BTD: variants seen among roughly 807,000 people sequenced by gnomAD.
BTD encodes the protein biocytinase.
In BTD, 13 loss-of-function variants were observed where a neutral mutation model predicts 17.7. The ratio of observed to expected loss-of-function variants is 0.74; its 90% CI spans 0.48 to 1.17. BTD has a LOEUF of 1.17. BTD is among the 50% of genes most tolerant of loss of function. The probability of loss-of-function intolerance (pLI) is 0.00; values close to 1 mark genes in which losing one functional copy is unlikely to be tolerated. For missense variants in BTD, 674 were observed against 650.4 expected, an observed-to-expected ratio of 1.04 and a Z score of -0.39; for synonymous variants, 240 against 245.2, an observed-to-expected ratio of 0.98 and a Z score of 0.20.
downstream of BTD, among the ~76,000 whole-genome samples, chr3:15,657,722 A>G (rs2065884762): frequency 6.6e-6 from 1 of 151,868 alleles, no homozygotes; most frequent in South Asian, 2.1e-4. Flanking sequence ...GATTGTGCCT[A>G]TGGGTGAGTG....
chr3:15,618,534 T>C (rs2064856888), intron 1 of BTD, among the ~76,000 whole-genome samples: 1 of 152,170 alleles, frequency 6.6e-6, no homozygotes, highest in Admixed American at 6.5e-5. Flanking sequence ...AAAATTTTTT[T>C]CTTTTTTATT....
intron 1 of BTD, among the ~76,000 whole-genome samples, chr3:15,625,012 C>T (rs1401255566): frequency 6.6e-6 from 1 of 152,216 alleles, no homozygotes; most frequent in African/African-American, 2.4e-5. Flanking sequence ...CCATGAGCCA[C>T]CGCACCTGGC....
intron 3 of BTD, among the ~76,000 whole-genome samples, chr3:15,683,184 C>T (rs1040991076): frequency 2.6e-5 from 4 of 152,048 alleles, no homozygotes; most frequent in African/African-American, 9.7e-5. Flanking sequence ...GGTTAATCTT[C>T]AGGGATATAT....
At chr3:15,631,837 C>T (rs1026261244) in intron 1 of BTD, among the ~76,000 whole-genome samples, 3 of 152,316 alleles carry the variant, frequency 2.0e-5, no homozygotes, top group East Asian at 1.9e-4. Flanking sequence ...TTCAGAGGTG[C>T]ACCTTGGTAG....
At chr3:15,617,811 C>A (rs144360631) in intron 1 of BTD, among the ~76,000 whole-genome samples, 1 of 152,296 alleles carries the variant, frequency 6.6e-6, no homozygotes, top group East Asian at 1.9e-4. Flanking sequence ...TTTGTCTGTT[C>A]TTTGGCCAAT....
intron 3 of BTD, among the ~76,000 whole-genome samples, chr3:15,674,644 T>C (rs1182281745): frequency 1.3e-5 from 2 of 151,986 alleles, no homozygotes; most frequent in Non-Finnish European, 2.9e-5. Flanking sequence ...CCAAAGGAAC[T>C]GATGAGAGCA....
intron 1 of BTD, among the ~76,000 whole-genome samples, chr3:15,628,606 G>A (rs2065124144): frequency 6.6e-6 from 1 of 152,148 alleles, no homozygotes. Context: ...AGAATTTGAC[G>A]ATGGTTTTTG....
At chr3:15,654,520 T>C (rs1452482094), downstream of BTD, among the ~76,000 whole-genome samples, 3 of 152,230 alleles carry the variant, frequency 2.0e-5, no homozygotes, top group East Asian at 5.8e-4. Flanking sequence ...ATAATAGCAG[T>C]TTAAGGGACA....
In BTD at chr3:15,635,134, A is replaced by G. The variant is rs1233169250; in HGVS notation, c.-16-290A>G. ...CAGCTAGAAAAGTGGGTAGTGACGCACTACAGTCTTGCTGAACACTGGGTA... is the reference window on the plus strand; with the variant it reads ...CAGCTAGAAAAGTGGGTAGTGACGCGCTACAGTCTTGCTGAACACTGGGTA... On this transcript the variant is annotated intron_variant, in intron 1 of 3. Transcript: ENST00000643237. This position sits in a 1 kb window ranked among gnomAD's most constrained non-coding sequence, Gnocchi z 4.1. Among the ~76,000 whole-genome samples the G allele has an allele frequency of 6.6e-6, 1 of 152,248 alleles. No homozygotes were observed. Among genetic ancestry groups the G allele is most frequent in the East Asian group, 1.9e-4 (1 of 5,204 alleles).
chr3:15,706,026 A>C (rs1362481583), intron 3 of BTD, among the ~76,000 whole-genome samples: 6 of 140,544 alleles, frequency 4.3e-5, no homozygotes, highest in African/African-American at 1.6e-4. Flanking sequence ...AACAAACAAC[A>C]AAAAAACCCA....
chr3:15,632,016 C>A (rs1191555605), intron 1 of BTD, among the ~76,000 whole-genome samples: 1 of 152,292 alleles, frequency 6.6e-6, no homozygotes, highest in East Asian at 1.9e-4. Flanking sequence ...CTCCAGCCCC[C>A]TGCTGTCCTT....
chr3:15,690,811 C>T (rs935776278), intron 3 of BTD, among the ~76,000 whole-genome samples: 10 of 152,144 alleles, frequency 6.6e-5, no homozygotes, highest in Admixed American at 2.0e-4. Flanking sequence ...CTCAAGTCAT[C>T]CTCCTACCTT....
intron 3 of BTD, among the ~76,000 whole-genome samples, chr3:15,685,811 CATT>C (rs2068048224): frequency 6.6e-6 from 1 of 152,156 alleles, no homozygotes; most frequent in African/African-American, 2.4e-5. Context: ...TTTGTTCTAA[CATT>C]GTTCTCTAGA....
Position 15,635,549 on chromosome 3 carries a change from A to G in BTD, c.110A>G (p.Tyr37Cys). The change falls in exon 2 of 4, where the codon TAT becomes TGT. Residue 37 changes from tyrosine to cysteine, a missense_variant. Coordinates refer to ENST00000643237, the MANE Select transcript of BTD (RefSeq NM_001370658.1). The surrounding 1 kb of genome is among the most constrained non-coding windows in gnomAD (Gnocchi z 4.1). ...ESVADHHEAE[Y>C]YVAAVYEHPS... ...GTGGCTGACCATCACGAGGCTGAAT[A>G]TTATGTGGCTGCCGTGTATGAGCAT... is the stretch of plus-strand genomic sequence containing the variant. The G allele has an allele frequency of 1.2e-6, 2 of 1,614,182 alleles. No homozygotes were observed. The highest frequency in any genetic ancestry group is 1.7e-6 in the Non-Finnish European group (2 of 1,180,032).
chr3:15,670,450 GGAT>G (rs1226175194), intron 3 of BTD: 3 of 1,613,952 alleles, frequency 1.9e-6, no homozygotes, highest in Admixed American at 3.3e-5. Flanking sequence ...TGAATGTTAA[GGAT>G]GATAAAGGAC....
rs374681173 is a variant in BTD, at chr3:15,642,052, A to G, written c.394A>G (p.Thr132Ala). The change falls in exon 3 of 4, where the codon ACA becomes GCA. Residue 132 changes from threonine (T) to alanine (A), a missense_variant. Physicochemically the swap from Thr to Ala is moderately conservative, Grantham distance 58. Transcript: ENST00000643237. ...CCTGGAGCCTCACCGCTTCAATGAC[A>G]CAGAGGTGATTCCTGCCTTTTTCCT... is the stretch of plus-strand genomic sequence containing the variant. ...PCLEPHRFND[T>A]EVLQRLSCMA... is the part of the protein sequence containing the mutation. 6.2e-7 allele frequency: 1 copy of G among 1,614,118 alleles called. No homozygotes were observed. Among genetic ancestry groups the G allele is most frequent in the South Asian group, 1.1e-5 (1 of 91,058 alleles).
At chr3:15,719,608 G>A (rs1034010603) in intron 4 of BTD, among the ~76,000 whole-genome samples, 3 of 152,026 alleles carry the variant, frequency 2.0e-5, no homozygotes, top group East Asian at 3.8e-4. Context: ...CTCACCTGTC[G>A]CCCAGGCTAG....
In BTD at chr3:15,652,184, G is replaced by T. The variant is rs539243503; in HGVS notation, c.*6696G>T. Among the ~76,000 whole-genome samples, 1 of 152,128 alleles carries T rather than the reference G, an allele frequency of 6.6e-6. No homozygotes were observed. Among genetic ancestry groups the T allele is most frequent in the Admixed American group, 6.5e-5 (1 of 15,280 alleles). On this transcript the variant is annotated 3_prime_UTR_variant, in exon 4 of 4. Coordinates refer to ENST00000643237, the MANE Select transcript of BTD (RefSeq NM_001370658.1). ...TCTATTGAAAATACAAAAATTAGCC[G>T]GCATGGTGGCACACGCCTGTAGTCC...
intron 3 of BTD, among the ~76,000 whole-genome samples, chr3:15,703,116 T>C (rs2070850456): frequency 6.6e-6 from 1 of 152,094 alleles, no homozygotes; most frequent in Non-Finnish European, 1.5e-5. Context: ...GTAAGTCACA[T>C]ACAAAAGGCA....
Sources: gnomAD v4.1 joint callset for allele counts (sites outside exome capture counted in the v4.1 genomes callset) on GRCh38, gnomAD v4.1.1 for gene constraint, Gnocchi (gnomAD v3.1) non-coding constraint, MANE v1.5 for transcripts, NCBI Gene and HGNC (gene_info 2026-07-23, HGNC 2026-07-21) for gene names.